CADM2: variants seen among roughly 807,000 people sequenced by gnomAD.
CADM2 encodes immunoglobulin superfamily member 4D.
Under a neutral mutation model 49.8 loss-of-function variants are expected in CADM2, and 12 were observed. The ratio of observed to expected loss-of-function variants is 0.24; its 90% CI spans 0.15 to 0.39. The LOEUF is 0.39. CADM2 is among the 10% of genes least tolerant of loss of function. The pLI, the probability that CADM2 is intolerant of heterozygous loss-of-function variation, is 1.00. For synonymous variants in CADM2, 214 were observed against 175.4 expected (o/e 1.22, Z -1.74); for missense variants, 378 against 492.3 (o/e 0.77, Z 2.20).
At chr3:85,287,558 C>T (rs1430826517) in intron 1 of CADM2, among the ~76,000 whole-genome samples, 2 of 151,914 alleles carry the variant, frequency 1.3e-5, no homozygotes, top group Non-Finnish European at 2.9e-5. Flanking sequence ...ATTATTCTTT[C>T]TTGTTTATCA....
chr3:85,412,931 G>A (rs2035724063), intron 1 of CADM2, among the ~76,000 whole-genome samples: 1 of 151,510 alleles, frequency 6.6e-6, no homozygotes, highest in Admixed American at 6.6e-5. Context: ...CACGAGGTCA[G>A]GAGATCTAGA....
At chr3:85,750,899 A>G (rs987611681) in intron 2 of CADM2, among the ~76,000 whole-genome samples, 23 of 152,148 alleles carry the variant, frequency 1.5e-4, no homozygotes, top group African/African-American at 5.5e-4. Context: ...TTGGTTCATG[A>G]AAAGCAAACA....
chr3:85,019,218 C>T (rs1385652403), intron 1 of CADM2, among the ~76,000 whole-genome samples: 1 of 152,170 alleles, frequency 6.6e-6, no homozygotes, highest in Non-Finnish European at 1.5e-5. Flanking sequence ...TGTGGTGGCT[C>T]AAGCCTATAA....
At chr3:85,744,307 G>T (rs908548810) in intron 2 of CADM2, among the ~76,000 whole-genome samples, 2 of 152,010 alleles carry the variant, frequency 1.3e-5, no homozygotes, top group African/African-American at 4.8e-5. Context: ...ATAGCACAAT[G>T]GGGTAACTAA....
intron 1 of CADM2, among the ~76,000 whole-genome samples, chr3:85,502,501 AAG>A (rs984949867): frequency 6.6e-6 from 1 of 152,114 alleles, no homozygotes; most frequent in African/African-American, 2.4e-5. Flanking sequence ...GAAAAAGAAA[AAG>A]AGAAAAAGAA....
intron 1 of CADM2, among the ~76,000 whole-genome samples, chr3:85,329,380 T>TAC (rs1460017917): frequency 7.3e-6 from 1 of 137,702 alleles, no homozygotes; most frequent in African/African-American, 3.0e-5. Context: ...ACTAAACACA[T>TAC]ACACACACAC....
At chr3:84,973,846 T>C (rs1217930381) in intron 1 of CADM2, among the ~76,000 whole-genome samples, 3 of 152,212 alleles carry the variant, frequency 2.0e-5, no homozygotes, top group African/African-American at 7.2e-5. Context: ...TTAAAACCTA[T>C]ACTAACATAA....
At chr3:85,201,304 A>T (rs546227969) in intron 1 of CADM2, among the ~76,000 whole-genome samples, 3 of 152,344 alleles carry the variant, frequency 2.0e-5, no homozygotes, top group Admixed American at 6.5e-5. Flanking sequence ...TTATGCTTAC[A>T]CTATACTGTA....
intron 1 of CADM2, among the ~76,000 whole-genome samples, chr3:85,564,043 A>G (rs1337115476): frequency 1.3e-5 from 2 of 152,146 alleles, no homozygotes; most frequent in Admixed American, 6.6e-5. Flanking sequence ...TTCCAATAAG[A>G]TCTTAAATAA....
chr3:84,988,248 G>T (rs116936227), intron 1 of CADM2, among the ~76,000 whole-genome samples: 1 of 152,204 alleles, frequency 6.6e-6, no homozygotes, highest in South Asian at 2.1e-4. Context: ...CCAGATCTTA[G>T]TATCCTTTTT....
intron 1 of CADM2, among the ~76,000 whole-genome samples, chr3:85,010,851 CTTTTTTT>C (rs71105001): frequency 5.6e-5 from 2 of 35,682 alleles, no homozygotes; most frequent in African/African-American, 2.6e-4. Flanking sequence ...CTGTTTATGT[CTTTTTTT>C]TTTTTTTTTT....
chr3:85,014,618 G>A (rs570255595), intron 1 of CADM2, among the ~76,000 whole-genome samples: 4 of 152,216 alleles, frequency 2.6e-5, no homozygotes, highest in African/African-American at 9.6e-5. Context: ...TTGAGGATTA[G>A]GGATGCAGGT....
intron 1 of CADM2, among the ~76,000 whole-genome samples, chr3:85,612,683 A>T (rs1007653471): frequency 3.3e-5 from 5 of 151,786 alleles, no homozygotes; most frequent in South Asian, 4.1e-4. Flanking sequence ...TACTCTGGTA[A>T]TCTGAAAACA....
intron 1 of CADM2, among the ~76,000 whole-genome samples, chr3:85,594,387 A>G (rs997834393): frequency 2.0e-5 from 3 of 151,938 alleles, no homozygotes; most frequent in Non-Finnish European, 4.4e-5. Flanking sequence ...ATTGAAATAG[A>G]TGTAACAGTG....
intron 1 of CADM2, among the ~76,000 whole-genome samples, chr3:85,436,383 C>T (rs1392697590): frequency 1.3e-5 from 2 of 152,102 alleles, no homozygotes; most frequent in South Asian, 2.1e-4. Context: ...GACAACTTGA[C>T]TTCCTTTCTT....
At position 85,967,262 on chromosome 3, in the gene CADM2, C is replaced by A. The variant is rs146233846; in HGVS notation, c.970+5615C>A. ...GGTAGTGATTCTCCATTTCAGTTAA[C>A]TTGCTTACTATGGGAGAGGAAAAAT... On this transcript the variant is annotated intron_variant, in intron 8 of 9. Coordinates refer to ENST00000383699, the MANE Select transcript of CADM2 (RefSeq NM_001167675.2). Among the ~76,000 whole-genome samples, 112 of 151,704 alleles carry A rather than the reference C, an allele frequency of 7.4e-4. 1 individual carries two copies. The highest frequency in any genetic ancestry group is 6.4e-3 in the South Asian group (31 of 4,816).
At chr3:85,667,543 T>C (rs1025533978) in intron 1 of CADM2, among the ~76,000 whole-genome samples, 1 of 152,020 alleles carries the variant, frequency 6.6e-6, no homozygotes, top group Non-Finnish European at 1.5e-5. Flanking sequence ...GCACTCCTCT[T>C]TGATTGGAGA....
rs961505394 is a variant in CADM2 at position 86,067,732 on chromosome 3, T to C, written c.*949T>C. ...ACTTTTTTGGCTGTATGTAATTCAG[T>C]CATAAGTAAGCATTTTCTAACGTCC... On this transcript the variant is annotated 3_prime_UTR_variant, in exon 10 of 10. Transcript: ENST00000383699. 6.6e-6 allele frequency: 1 copy of C among 152,496 alleles called. No homozygotes were observed. The highest frequency in any genetic ancestry group is 1.5e-5 in the Non-Finnish European group (1 of 67,926). The allele number at this position is 152,496 out of a possible 1,614,324, so 9.4% of individuals were successfully genotyped here.
chr3:85,615,569 T>C (rs1313673680), intron 1 of CADM2, among the ~76,000 whole-genome samples: 1 of 151,972 alleles, frequency 6.6e-6, no homozygotes, highest in Admixed American at 6.6e-5. Context: ...TCTTTCCTTT[T>C]ATTGTCTTTC....
Sources: gnomAD v4.1 joint callset for allele counts (sites outside exome capture counted in the v4.1 genomes callset) on GRCh38, gnomAD v4.1.1 for gene constraint, MANE v1.5 for transcripts, NCBI Gene and HGNC (gene_info 2026-07-23, HGNC 2026-07-21) for gene names.